DLGAP2: variants seen among roughly 807,000 people sequenced by gnomAD.
DLGAP2 encodes DLG associated protein 2, also known as disks large-associated protein 2.
Under a neutral mutation model 100.3 loss-of-function variants are expected in DLGAP2, and 26 were observed. That is an observed-to-expected ratio of 0.26 (90% CI 0.19 to 0.36). The LOEUF is 0.36. Among genes scored for constraint, DLGAP2 ranks in the 10% least tolerant of loss-of-function variants. The pLI, the probability that DLGAP2 is intolerant of heterozygous loss-of-function variation, is 1.00. For synonymous variants in DLGAP2, 886 were observed against 630.1 expected (o/e 1.41, Z -6.08); for missense variants, 1,858 against 1,453.2 (o/e 1.28, Z -4.53).
intron 6 of DLGAP2, among the ~76,000 whole-genome samples, chr8:1,606,301 C>G (rs1796797091): frequency 1.3e-5 from 2 of 152,158 alleles, no homozygotes; most frequent in African/African-American, 4.8e-5. Flanking sequence ...ACTTGAAGTA[C>G]AATTCAGTGG....
In DLGAP2 at chr8:805,042, A is replaced by T. The variant is rs572502851; in HGVS notation, c.18+67217A>T. 2.6e-5 allele frequency among the ~76,000 whole-genome samples: 4 copies of T among 152,256 alleles called. No homozygotes were observed. The South Asian group carries it at 6.2e-4, about 24-fold the overall frequency. Reference sequence around the variant, plus strand: ...TGCCTTGCCCTCCCAAATTGTTGGGATTATAGGCGTGAGCTACTGCTCCTG... The same window carrying T: ...TGCCTTGCCCTCCCAAATTGTTGGGTTTATAGGCGTGAGCTACTGCTCCTG... On this transcript the variant is annotated intron_variant, in intron 1 of 14. Coordinates refer to ENST00000637795, the MANE Select transcript of DLGAP2 (RefSeq NM_001346810.2).
intron 2 of DLGAP2, among the ~76,000 whole-genome samples, chr8:1,074,645 CG>C (rs1283233443): frequency 1.3e-5 from 2 of 152,270 alleles, no homozygotes; most frequent in East Asian, 3.9e-4. Context: ...GCGTTTGATC[CG>C]CTTGTGAATT....
chr8:1,591,311 C>T (rs893759233), intron 6 of DLGAP2, among the ~76,000 whole-genome samples: 4 of 152,162 alleles, frequency 2.6e-5, no homozygotes, highest in Admixed American at 6.5e-5. Context: ...CTCTTCCTAA[C>T]GCTGGCTCCA....
intron 2 of DLGAP2, among the ~76,000 whole-genome samples, chr8:1,083,561 G>C (rs1373628942): frequency 6.6e-6 from 1 of 152,134 alleles, no homozygotes; most frequent in Non-Finnish European, 1.5e-5. Flanking sequence ...AATATTTTAA[G>C]TATGAATTTA....
rs550209014 is a variant in DLGAP2, at chr8:1,136,618, C to T, written c.74-122233C>T. Among the ~76,000 whole-genome samples the T allele has an allele frequency of 1.4e-3, 219 of 152,344 alleles. 1 individual carries two copies. The highest frequency in any genetic ancestry group is 0.01 in the Middle Eastern group (3 of 294). On this transcript the variant is annotated intron_variant, in intron 2 of 14. Coordinates refer to ENST00000637795, the MANE Select transcript of DLGAP2 (RefSeq NM_001346810.2). Reference sequence around the variant, plus strand: ...CCTGGTGCACAGCAGACCCATGACTCTGAACACATGACTATGCTCAGTAAA... The same window carrying T: ...CCTGGTGCACAGCAGACCCATGACTTTGAACACATGACTATGCTCAGTAAA...
rs181679512 is a variant in DLGAP2, at chr8:1,458,203, G to T, written c.107-43163G>T. Among the ~76,000 whole-genome samples the T allele has an allele frequency of 6.6e-5, 10 of 151,884 alleles. No individual in the cohort carries two copies. In the East Asian group the frequency reaches 1.7e-3, roughly 27 times the overall value. On this transcript the variant is annotated intron_variant, in intron 3 of 14. Coordinates refer to ENST00000637795, the MANE Select transcript of DLGAP2 (RefSeq NM_001346810.2). ...TTACAGGCATGAGCCACCACACCCA[G>T]CCTCTGTTGTCTGATCTTAATAAGA...
rs1563224157 is a variant in DLGAP2, at chr8:1,164,171, T to TTTTGGTTTGTGGGGA, written c.74-94680_74-94679insTTTGGTTTGTGGGGA. Among the ~76,000 whole-genome samples, 49 of 121,054 alleles carry TTTTGGTTTGTGGGGA rather than the reference T, an allele frequency of 4.0e-4. 10 individuals are homozygous for TTTTGGTTTGTGGGGA. The highest frequency in any genetic ancestry group is 7.9e-4 in the Admixed American group (10 of 12,696). The allele number at this position is 121,054 out of a possible 152,430, so 79.4% of individuals were successfully genotyped here. ...TTTTCTGTGAGCCCCCCAGGGCCCG[T>TTTTGGTTTGTGGGGA]CATTTTGGTTTGTGGGGATTTTTCT... On this transcript the variant is annotated intron_variant, in intron 2 of 14. Transcript: ENST00000637795.
At chr8:1,095,511 A>G (rs561778288) in intron 2 of DLGAP2, among the ~76,000 whole-genome samples, 47 of 152,274 alleles carry the variant, frequency 3.1e-4, no homozygotes, top group Admixed American at 4.6e-4. Context: ...CTTCCTGGTG[A>G]CCTTTCTGAG....
chr8:1,194,186 C>T (rs552719884), intron 2 of DLGAP2, among the ~76,000 whole-genome samples: 219 of 152,192 alleles, frequency 1.4e-3, no homozygotes, highest in Non-Finnish European at 2.4e-3. Flanking sequence ...AAGAAACTGC[C>T]GCCTGTGGGA....
At chr8:1,064,433 C>T (rs73540072) in intron 2 of DLGAP2, among the ~76,000 whole-genome samples, 7,148 of 152,208 alleles carry the variant, frequency 0.047, 553 homozygotes, top group African/African-American at 0.16. Flanking sequence ...GGATATATAA[C>T]AAATGTGATT....
intron 3 of DLGAP2, among the ~76,000 whole-genome samples, chr8:1,349,628 TCCCG>T (rs1563098532): frequency 0.15 from 14,057 of 95,952 alleles, 2,135 homozygotes; most frequent in East Asian, 0.23. Context: ...GTCATGAGCC[TCCCG>T]CCCACATCCA....
intron 12 of DLGAP2, chr8:1,680,961 G>A (rs1798929078): frequency 6.6e-6 from 1 of 152,212 alleles, no homozygotes; most frequent in Non-Finnish European, 1.5e-5. Flanking sequence ...AGCAGGTGAT[G>A]AGACCTGCAT....
intron 2 of DLGAP2, among the ~76,000 whole-genome samples, chr8:952,462 C>G (rs1484174451): frequency 6.6e-6 from 1 of 152,060 alleles, no homozygotes; most frequent in Admixed American, 6.6e-5. Flanking sequence ...CATGGTGAAA[C>G]CCCGTCTCTA....
At chr8:770,921 T>C (rs766446790) in intron 1 of DLGAP2, among the ~76,000 whole-genome samples, 1 of 152,138 alleles carries the variant, frequency 6.6e-6, no homozygotes, top group Non-Finnish European at 1.5e-5. Context: ...AAAAAATTTT[T>C]CACTTTTCTG....
Position 1,701,184 on chromosome 8 carries a change from T to C in DLGAP2, c.2950-4T>C. The C allele has an allele frequency of 3.9e-6, 6 of 1,555,470 alleles. No individual in the cohort carries two copies. Among genetic ancestry groups the C allele is most frequent in the Non-Finnish European group, 5.2e-6 (6 of 1,150,684 alleles). ...TGCCAACGGTGACTTGCGCTGCTTTTCAGGAAGAAAGAAAGGTCCCGCCTC... is the reference window on the plus strand; with the variant it reads ...TGCCAACGGTGACTTGCGCTGCTTTCCAGGAAGAAAGAAAGGTCCCGCCTC... On this transcript the variant is annotated splice_polypyrimidine_tract_variant and splice_region_variant and intron_variant, in intron 14 of 14. Coordinates refer to ENST00000637795, the MANE Select transcript of DLGAP2 (RefSeq NM_001346810.2).
intron 1 of DLGAP2, among the ~76,000 whole-genome samples, chr8:863,106 C>G (rs933581667): frequency 6.6e-6 from 1 of 152,074 alleles, no homozygotes; most frequent in African/African-American, 2.4e-5. Context: ...AGGTGTGAAT[C>G]CTGTGAGGTT....
chr8:1,230,884 G>A (rs1278356871), intron 2 of DLGAP2, among the ~76,000 whole-genome samples: 2 of 152,106 alleles, frequency 1.3e-5, no homozygotes, highest in East Asian at 3.9e-4. Flanking sequence ...TTAAATGTAA[G>A]ACCTCAAACT....
In DLGAP2 at chr8:1,032,926, C is replaced by T. The variant is rs75672527; in HGVS notation, c.73+124960C>T. On this transcript the variant is annotated intron_variant, in intron 2 of 14. Transcript: ENST00000637795. ...TATGACAATTAAACTATTGTGTCTT[C>T]GTTTACTCCATGTGTTCTGCCTGAC... is the stretch of plus-strand genomic sequence containing the variant. 5 of 152,306 alleles carry T rather than the reference C, an allele frequency of 3.3e-5. No homozygotes were observed. In the East Asian group the frequency reaches 7.7e-4, roughly 23 times the overall value. 9.4% of individuals were successfully genotyped at this position (152,306 alleles called of 1,614,324 possible). A position where few individuals can be genotyped will look rare whatever the true frequency, so the allele number is the denominator to read the frequency against.
intron 6 of DLGAP2, among the ~76,000 whole-genome samples, chr8:1,588,738 T>TA (rs11358700): frequency 0.2 from 18,142 of 91,206 alleles, 1,727 homozygotes; most frequent in Non-Finnish European, 0.26. Context: ...CTGTCTTTAC[T>TA]AAAAAAAAAA....
Sources: gnomAD v4.1 joint callset for allele counts (sites outside exome capture counted in the v4.1 genomes callset) on GRCh38, gnomAD v4.1.1 for gene constraint, MANE v1.5 for transcripts, NCBI Gene and HGNC (gene_info 2026-07-23, HGNC 2026-07-21) for gene names.